Variants in EIF3H observed in about 807,000 individuals in gnomAD.
The protein encoded by EIF3H is eukaryotic translation initiation factor 3 subunit H.
In EIF3H, 26 loss-of-function variants were observed where a neutral mutation model predicts 44.2. The ratio of observed to expected loss-of-function variants is 0.59; its 90% confidence interval spans 0.43 to 0.82. The LOEUF is 0.82. Among genes scored for constraint, EIF3H ranks in the 40% least tolerant of loss-of-function variants. EIF3H has a pLI of 0.00. For missense variants in EIF3H, 359 were observed against 432.8 expected, an observed-to-expected ratio of 0.83 and a Z score of 1.51; for synonymous variants, 166 against 151.9, an observed-to-expected ratio of 1.09 and a Z score of -0.68.
At chr8:116,692,091 A>C (rs573726909) in intron 2 of EIF3H, among the ~76,000 whole-genome samples, 4 of 152,308 alleles carry the variant, frequency 2.6e-5, no homozygotes, top group Non-Finnish European at 5.9e-5. Flanking sequence ...CCAATCTCCC[A>C]AGAAATCCTT....
At chr8:116,676,370 T>C (rs982178659) in intron 2 of EIF3H, among the ~76,000 whole-genome samples, 2 of 152,150 alleles carry the variant, frequency 1.3e-5, no homozygotes, top group Admixed American at 6.5e-5. Flanking sequence ...TGGGGAGCCC[T>C]CAGGAAACTT....
chr8:116,653,348 AACACAC>A (rs771922316), intron 5 of EIF3H, among the ~76,000 whole-genome samples: 1 of 144,576 alleles, frequency 6.9e-6, no homozygotes, highest in Non-Finnish European at 1.5e-5. Context: ...AACAATCAGA[AACACAC>A]ACACACACAC....
intron 1 of EIF3H, among the ~76,000 whole-genome samples, chr8:116,739,273 G>GC (rs1815091865): frequency 1.3e-5 from 2 of 152,132 alleles, no homozygotes; most frequent in Admixed American, 6.5e-5. Flanking sequence ...CTTTATTTAG[G>GC]CCCATCCCTT....
intron 2 of EIF3H, among the ~76,000 whole-genome samples, chr8:116,684,436 C>T (rs906219595): frequency 1.3e-5 from 2 of 152,182 alleles, no homozygotes; most frequent in African/African-American, 2.4e-5. Context: ...CCAAAAGACA[C>T]GGTGATTCTT....
chr8:116,743,903 G>GTTGAGTT (rs1430805658), intron 1 of EIF3H, among the ~76,000 whole-genome samples: 2 of 151,116 alleles, frequency 1.3e-5, no homozygotes, highest in Middle Eastern at 3.4e-3. Context: ...TTTCCAAAGG[G>GTTGAGTT]TTGAGTTTTA....
chr8:116,755,851 C>A (rs552604182), upstream of EIF3H: 10 of 1,601,988 alleles, frequency 6.2e-6, no homozygotes, highest in African/African-American at 6.7e-5. Flanking sequence ...AGCGGAAGTA[C>A]AAGTCTCGCG....
At chr8:116,666,293 C>T (rs1050870552) in intron 2 of EIF3H, among the ~76,000 whole-genome samples, 16 of 152,052 alleles carry the variant, frequency 1.1e-4, no homozygotes, top group African/African-American at 3.4e-4. Flanking sequence ...CAGGCATTGT[C>T]GCCCTATTTT....
At chr8:116,669,236 C>T (rs140654970) in intron 2 of EIF3H, among the ~76,000 whole-genome samples, 211 of 152,248 alleles carry the variant, frequency 1.4e-3, no homozygotes, top group Middle Eastern at 0.01. Context: ...AAGAAAGAGA[C>T]AAGCTACAGA....
chr8:116,737,870 A>G (rs965899882), intron 1 of EIF3H, among the ~76,000 whole-genome samples: 32 of 151,702 alleles, frequency 2.1e-4, no homozygotes, highest in African/African-American at 7.5e-4. Context: ...CCCCATCTCT[A>G]CTAACATACA....
chr8:116,655,772 T>C (rs1395699873), intron 5 of EIF3H, 84 bp downstream of exon 5: 6 of 1,407,920 alleles, frequency 4.3e-6, no homozygotes, highest in Non-Finnish European at 6.0e-6. Context: ...AACTGTTTTC[T>C]TGTTTCACAG....
upstream of EIF3H, chr8:116,756,168 G>A (rs776473228): frequency 1.5e-6 from 1 of 686,950 alleles, no homozygotes; most frequent in African/African-American, 1.8e-5. Flanking sequence ...GTACTAACTC[G>A]CATTATGCAT....
chr8:116,710,124 G>A (rs1276276252), intron 2 of EIF3H, among the ~76,000 whole-genome samples: 1 of 152,156 alleles, frequency 6.6e-6, no homozygotes, highest in Non-Finnish European at 1.5e-5. Flanking sequence ...CAGATTGGAA[G>A]CACTGCACAA....
chr8:116,761,887 G>C (rs1326583842), intron 1 of EIF3H, among the ~76,000 whole-genome samples: 2 of 152,146 alleles, frequency 1.3e-5, no homozygotes, highest in Non-Finnish European at 2.9e-5. Flanking sequence ...ACATTTCCTT[G>C]ATGTTCCTTA....
intron 2 of EIF3H, among the ~76,000 whole-genome samples, chr8:116,665,491 C>CA (rs948881224): frequency 4.5e-4 from 68 of 151,090 alleles, no homozygotes; most frequent in Non-Finnish European, 6.5e-4. Context: ...TTCTTTGCAG[C>CA]AAAAAAAACC....
intron 2 of EIF3H, among the ~76,000 whole-genome samples, chr8:116,666,023 A>G (rs1813659369): frequency 6.6e-6 from 1 of 152,218 alleles, no homozygotes; most frequent in Non-Finnish European, 1.5e-5. Flanking sequence ...TGTTATTAAT[A>G]CCACCCTGTG....
chr8:116,743,798 A>ATATATATATAT lies in EIF3H; in HGVS notation c.132+11867_132+11868insATATATATATA, dbSNP rs1491232249. On this transcript the variant is annotated intron_variant, in intron 1 of 7. Coordinates refer to ENST00000521861, the MANE Select transcript of EIF3H (RefSeq NM_003756.3). ...TATATATATATATATATATATATAT[A>ATATATATATAT]AACACACACACACACACACACACAC... Among the ~76,000 whole-genome samples, 207 of 79,594 alleles carry ATATATATATAT rather than the reference A, an allele frequency of 2.6e-3. 3 individuals are homozygous for ATATATATATAT. Among genetic ancestry groups the ATATATATATAT allele is most frequent in the Non-Finnish European group, 3.9e-3 (162 of 41,026 alleles). 52.2% of individuals were successfully genotyped at this position (79,594 alleles called of 152,430 possible). A position where few individuals can be genotyped will look rare whatever the true frequency, so the allele number is the denominator to read the frequency against.
intron 4 of EIF3H, among the ~76,000 whole-genome samples, chr8:116,656,839 C>T (rs1813498829): frequency 6.6e-6 from 1 of 152,040 alleles, no homozygotes; most frequent in African/African-American, 2.4e-5. Flanking sequence ...TCTTTCCCAC[C>T]CCCTCATTAA....
upstream of EIF3H, among the ~76,000 whole-genome samples, chr8:116,757,617 C>A (rs1815471708): frequency 6.6e-6 from 1 of 151,190 alleles, no homozygotes; most frequent in Non-Finnish European, 1.5e-5. Flanking sequence ...GTTCAAATAA[C>A]CCAGAAGAAT....
At chr8:116,755,861 G>C (rs1226220586), upstream of EIF3H, 1 of 1,597,450 alleles carries the variant, frequency 6.3e-7, no homozygotes, top group Non-Finnish European at 8.5e-7. Context: ...CAAGTCTCGC[G>C]TGACGTCACT....
Sources: gnomAD v4.1 joint callset for allele counts (sites outside exome capture counted in the v4.1 genomes callset) on GRCh38, gnomAD v4.1.1 for gene constraint, MANE v1.5 for transcripts, NCBI Gene and HGNC (gene_info 2026-07-23, HGNC 2026-07-21) for gene names.